The following ENTPD1 variants were observed in gnomAD, a reference collection of about 807,000 sequenced individuals.
ENTPD1 encodes ectonucleoside triphosphate diphosphohydrolase 1.
ENTPD1 carries 33 observed loss-of-function variants against 57.0 expected under a neutral mutation model. That is an observed-to-expected ratio of 0.58 (90% CI 0.44 to 0.77). The LOEUF (loss-of-function observed/expected upper bound fraction) is 0.77. ENTPD1 is among the 30% of genes least tolerant of loss of function. The pLI is 0.00. For missense variants in ENTPD1, 501 were observed against 603.4 expected, an observed-to-expected ratio of 0.83 and a Z score of 1.78; for synonymous variants, 202 against 218.8, an observed-to-expected ratio of 0.92 and a Z score of 0.68.
chr10:95,846,635 A>T (rs577964487), intron 6 of ENTPD1, among the ~76,000 whole-genome samples: 1 of 152,268 alleles, frequency 6.6e-6, no homozygotes, highest in African/African-American at 2.4e-5. Context: ...TCAAAGCTCC[A>T]CTAACCTTCT....
chr10:95,816,099 A>G (rs977986170), intron 1 of ENTPD1, among the ~76,000 whole-genome samples: 2 of 152,118 alleles, frequency 1.3e-5, no homozygotes, highest in African/African-American at 4.8e-5. Flanking sequence ...TTGTCTCTTA[A>G]TGTGCATGCC....
the ENTPD1 span, among the ~76,000 whole-genome samples, chr10:95,699,787 A>C: frequency 6.6e-6 from 1 of 152,220 alleles, no homozygotes; most frequent in Non-Finnish European, 1.5e-5. Flanking sequence ...GACCATCAGC[A>C]TGGTCAGTAT....
intron 9 of ENTPD1, 27 bp from the exon 10 acceptor site, chr10:95,866,150 C>A: frequency 1.9e-6 from 3 of 1,604,992 alleles, no homozygotes; most frequent in East Asian, 4.5e-5. Context: ...CCTCCAACCA[C>A]AAACAGACTT....
rs569704393 is a variant in ENTPD1, at chr10:95,874,603, C to G, written c.*8220C>G. 2.0e-5 allele frequency among the ~76,000 whole-genome samples: 3 copies of G among 152,306 alleles called. No homozygotes were observed. Among genetic ancestry groups the G allele is most frequent in the African/African-American group, 7.2e-5 (3 of 41,564 alleles). ...GGGTCTACCGTTCTGGGACTGTGGC[C>G]TTCTTCTCACAGCTCCACTAGGCAG... On this transcript the variant is annotated 3_prime_UTR_variant, in exon 10 of 10. Coordinates refer to ENST00000371205, the MANE Select transcript of ENTPD1 (RefSeq NM_001776.6).
the ENTPD1 span, among the ~76,000 whole-genome samples, chr10:95,699,759 A>G: frequency 1.3e-5 from 2 of 152,224 alleles, no homozygotes; most frequent in Middle Eastern, 3.2e-3. Context: ...ATAAAAACAA[A>G]AAGTAGGAGG....
chr10:95,752,073 AT>A (rs765401862), upstream of ENTPD1, among the ~76,000 whole-genome samples: 37 of 152,304 alleles, frequency 2.4e-4, no homozygotes, highest in Admixed American at 5.9e-4. Flanking sequence ...GGAGAGATCA[AT>A]TTTCAAGAAA....
chr10:95,759,684 A>G (rs1290281510), intron 1 of ENTPD1, among the ~76,000 whole-genome samples: 2 of 152,236 alleles, frequency 1.3e-5, no homozygotes, highest in Non-Finnish European at 2.9e-5. Flanking sequence ...CATGCCACAC[A>G]GATCCTTGGA....
chr10:95,782,299 T>C (rs1056390392), intron 1 of ENTPD1, among the ~76,000 whole-genome samples: 5 of 152,244 alleles, frequency 3.3e-5, no homozygotes, highest in African/African-American at 4.8e-5. Flanking sequence ...TACTTTTTGG[T>C]TGATTTATTG....
intron 1 of ENTPD1, among the ~76,000 whole-genome samples, chr10:95,717,292 GT>G (rs2139817927): frequency 6.8e-6 from 1 of 146,244 alleles, no homozygotes; most frequent in African/African-American, 2.5e-5. Flanking sequence ...TTCTCTTTGT[GT>G]TTATCTTACA....
chr10:95,821,650 C>G (rs941019215), intron 1 of ENTPD1, among the ~76,000 whole-genome samples: 2 of 152,206 alleles, frequency 1.3e-5, no homozygotes, highest in Admixed American at 6.5e-5. Context: ...CCTGCTCTTC[C>G]TTGTTTGGAA....
At chr10:95,857,477 C>T (rs997890225) in intron 7 of ENTPD1, among the ~76,000 whole-genome samples, 5 of 152,038 alleles carry the variant, frequency 3.3e-5, no homozygotes, top group South Asian at 4.1e-4. Context: ...ATTACATGCT[C>T]ATTATAAAAA....
intron 1 of ENTPD1, among the ~76,000 whole-genome samples, chr10:95,765,405 TGA>T (rs2140040188): frequency 6.6e-6 from 1 of 152,342 alleles, no homozygotes; most frequent in South Asian, 2.1e-4. Context: ...TTTTTGTGTG[TGA>T]ATATCTAGTT....
intron 7 of ENTPD1, among the ~76,000 whole-genome samples, chr10:95,851,238 A>G (rs901344299): frequency 2.0e-5 from 3 of 151,762 alleles, no homozygotes; most frequent in African/African-American, 7.2e-5. Flanking sequence ...GTGTATATTT[A>G]TATTTATATT....
In ENTPD1 at chr10:95,875,825, C is replaced by T. The variant is rs966706011; in HGVS notation, c.*9442C>T. ...AACCCCTGATAAAACCATCAGATCT[C>T]GTGAGACTTATTCACTATCACAAGA... On this transcript the variant is annotated 3_prime_UTR_variant, in exon 10 of 10. Transcript: ENST00000371205. 1.8e-5 allele frequency: 4 copies of T among 218,824 alleles called. No individual in the cohort carries two copies. The highest frequency in any genetic ancestry group is 2.3e-3 in the Middle Eastern group (1 of 434). 13.6% of individuals were successfully genotyped at this position (218,824 alleles called of 1,614,324 possible). A position where few individuals can be genotyped will look rare whatever the true frequency, so the allele number is the denominator to read the frequency against.
chr10:95,854,798 C>T (rs994477528), intron 7 of ENTPD1, among the ~76,000 whole-genome samples: 1 of 152,122 alleles, frequency 6.6e-6, no homozygotes, highest in Non-Finnish European at 1.5e-5. Flanking sequence ...GTCTGAGAGA[C>T]AGTTTGTTAT....
At chr10:95,822,793 G>T (rs2098358346) in intron 1 of ENTPD1, among the ~76,000 whole-genome samples, 1 of 152,232 alleles carries the variant, frequency 6.6e-6, no homozygotes, top group African/African-American at 2.4e-5. Flanking sequence ...GCCAGGAAAT[G>T]TCATGGAATA....
At chr10:95,754,893 T>C (rs907844564), upstream of ENTPD1, 5 of 152,228 alleles carry the variant, frequency 3.3e-5, no homozygotes, top group Admixed American at 2.6e-4. Flanking sequence ...AACTAAAAGG[T>C]TATCCTTTGT....
the ENTPD1 span, among the ~76,000 whole-genome samples, chr10:95,701,188 G>A: frequency 3.9e-5 from 6 of 152,180 alleles, no homozygotes; most frequent in Non-Finnish European, 8.8e-5. Context: ...TAGTGCAGTG[G>A]CTTGTGCCTA....
At chr10:95,780,011 C>A (rs954652009) in intron 1 of ENTPD1, among the ~76,000 whole-genome samples, 1 of 152,074 alleles carries the variant, frequency 6.6e-6, no homozygotes, top group African/African-American at 2.4e-5. Flanking sequence ...CTAAACATAC[C>A]AGACTCAAGA....
Sources: gnomAD v4.1 joint callset for allele counts (sites outside exome capture counted in the v4.1 genomes callset) on GRCh38, gnomAD v4.1.1 for gene constraint, MANE v1.5 for transcripts, NCBI Gene and HGNC (gene_info 2026-07-23, HGNC 2026-07-21) for gene names.